The following MRPS35 variants were observed in gnomAD, a reference collection of about 807,000 sequenced individuals.
MRPS35 encodes the protein small ribosomal subunit protein mS35.
Under a neutral mutation model 32.7 loss-of-function variants are expected in MRPS35, and 29 were observed. The ratio of observed to expected loss-of-function variants is 0.89; its 90% confidence interval spans 0.66 to 1.21. The LOEUF is 1.21. Among genes scored for constraint, MRPS35 ranks in the 50% most tolerant of loss-of-function variants. The pLI is 0.00. For synonymous variants in MRPS35, 148 were observed against 139.3 expected, an observed-to-expected ratio of 1.06 and a Z score of -0.44; for missense variants, 373 against 383.8, an observed-to-expected ratio of 0.97 and a Z score of 0.23.
intron 7 of MRPS35, among the ~76,000 whole-genome samples, chr12:27,748,415 C>G (rs923728845): frequency 3.3e-5 from 5 of 149,534 alleles, no homozygotes; most frequent in African/African-American, 9.9e-5. Flanking sequence ...ATTCTCATTG[C>G]AGGCAGGAAG....
chr12:27,751,886 G>A (rs7966473), intron 7 of MRPS35, among the ~76,000 whole-genome samples: 2,496 of 152,300 alleles, frequency 0.016, 76 homozygotes, highest in African/African-American at 0.055. Flanking sequence ...AGTCATGCAG[G>A]CCTGGATATC....
At chr12:27,750,976 G>A (rs766527596) in intron 7 of MRPS35, among the ~76,000 whole-genome samples, 6 of 151,594 alleles carry the variant, frequency 4.0e-5, no homozygotes, top group East Asian at 3.9e-4. Flanking sequence ...GGTAGTTGGC[G>A]CCTGTAATCC....
chr12:27,710,947 C>T lies in MRPS35; in HGVS notation c.104C>T (p.Pro35Leu), dbSNP rs779398357. Residue 35 changes from proline (P) to leucine (L), a missense_variant, in exon 1 of 8, where the codon CCT becomes CTT. Pro to Leu is a moderately conservative substitution (Grantham distance 98). Coordinates refer to ENST00000081029, the MANE Select transcript of MRPS35 (RefSeq NM_021821.4). ...AVYSATPVPT[P>L]SLPERTPGNE... The stretch of plus-strand genomic sequence containing the variant: ...TACTCGGCCACTCCGGTCCCGACAC[C>T]TAGCCTGCGTGAGTGTCTGTCTCGT... 15 of 1,612,194 alleles carry T rather than the reference C, an allele frequency of 9.3e-6. No homozygotes were observed. The African/African-American group carries it at 9.3e-5, about 10-fold the overall frequency.
chr12:27,721,261 A>G (rs1362846473), intron 4 of MRPS35, among the ~76,000 whole-genome samples: 1 of 152,240 alleles, frequency 6.6e-6, no homozygotes, highest in Non-Finnish European at 1.5e-5. Flanking sequence ...GCCTCTTAAT[A>G]GGTCTTCTAC....
intron 5 of MRPS35, among the ~76,000 whole-genome samples, chr12:27,729,181 CT>C (rs2140765976): frequency 6.6e-6 from 1 of 152,132 alleles, no homozygotes; most frequent in South Asian, 2.1e-4. Context: ...TGTTACAATC[CT>C]TTAGCATTTG....
intron 7 of MRPS35, among the ~76,000 whole-genome samples, chr12:27,754,818 T>C (rs1232984872): frequency 2.7e-5 from 4 of 147,182 alleles, no homozygotes; most frequent in Non-Finnish European, 6.0e-5. Flanking sequence ...GTTTAGAGAA[T>C]AGCTGCAAAA....
chr12:27,751,200 C>T (rs1287949244), intron 7 of MRPS35, among the ~76,000 whole-genome samples: 1 of 151,032 alleles, frequency 6.6e-6, no homozygotes, highest in Admixed American at 6.6e-5. Context: ...CTGAACACTG[C>T]ATTGTTTTCA....
intron 7 of MRPS35, among the ~76,000 whole-genome samples, chr12:27,749,910 G>A (rs185986751): frequency 9.1e-4 from 139 of 152,278 alleles, no homozygotes; most frequent in Non-Finnish European, 1.0e-3. Flanking sequence ...TGAAAGTTAG[G>A]ATTTAAACTT....
intron 7 of MRPS35, among the ~76,000 whole-genome samples, chr12:27,752,427 C>T (rs1403640818): frequency 6.6e-6 from 1 of 152,214 alleles, no homozygotes; most frequent in Non-Finnish European, 1.5e-5. Context: ...GCGTAAGCAT[C>T]TATTTTGAAG....
chr12:27,749,175 T>C (rs2061992088), intron 7 of MRPS35, among the ~76,000 whole-genome samples: 1 of 152,204 alleles, frequency 6.6e-6, no homozygotes, highest in Non-Finnish European at 1.5e-5. Flanking sequence ...ATTTCCATCT[T>C]TTCTATGAAG....
chr12:27,729,253 C>T (rs1040653990), intron 5 of MRPS35, among the ~76,000 whole-genome samples: 5 of 152,032 alleles, frequency 3.3e-5, no homozygotes, highest in African/African-American at 9.7e-5. Flanking sequence ...TTTCTTATCC[C>T]GGACCTGGAA....
At chr12:27,712,801 G>C (rs920410945) in intron 1 of MRPS35, among the ~76,000 whole-genome samples, 1 of 152,226 alleles carries the variant, frequency 6.6e-6, no homozygotes, top group African/African-American at 2.4e-5. Flanking sequence ...CGGATCCCTT[G>C]AGCCCAGGAG....
intron 7 of MRPS35, among the ~76,000 whole-genome samples, chr12:27,750,869 G>A (rs369429148): frequency 1.3e-5 from 2 of 152,106 alleles, no homozygotes; most frequent in East Asian, 3.9e-4. Flanking sequence ...TTGGGAGGCC[G>A]AGACTGGCAG....
chr12:27,747,709 C>T (rs144631813), intron 7 of MRPS35, among the ~76,000 whole-genome samples: 5 of 152,214 alleles, frequency 3.3e-5, no homozygotes, highest in African/African-American at 1.2e-4. Context: ...AGGTGACAGG[C>T]TTGTGTGTTC....
intron 7 of MRPS35, among the ~76,000 whole-genome samples, chr12:27,739,236 G>T (rs1316089116): frequency 3.3e-5 from 5 of 152,210 alleles, no homozygotes; most frequent in Admixed American, 6.5e-5. Context: ...ATCATAAGAT[G>T]CAATGAGCTA....
intron 4 of MRPS35, among the ~76,000 whole-genome samples, chr12:27,720,119 T>C (rs1263787436): frequency 6.6e-6 from 1 of 151,992 alleles, no homozygotes; most frequent in East Asian, 1.9e-4. Flanking sequence ...AGGCTGAGTG[T>C]GGTGGCTCAT....
At chr12:27,751,625 G>A (rs979942871) in intron 7 of MRPS35, among the ~76,000 whole-genome samples, 1 of 152,086 alleles carries the variant, frequency 6.6e-6, no homozygotes, top group Admixed American at 6.5e-5. Context: ...CCTTTATCTG[G>A]GCATGTGCAA....
At chr12:27,714,267 TA>T (rs2061840512) in intron 1 of MRPS35, among the ~76,000 whole-genome samples, 1 of 152,120 alleles carries the variant, frequency 6.6e-6, no homozygotes, top group Non-Finnish European at 1.5e-5. Flanking sequence ...GAATTCACTG[TA>T]TCTGCAATTC....
chr12:27,719,076 G>A (rs2140755482), intron 3 of MRPS35, among the ~76,000 whole-genome samples: 1 of 152,170 alleles, frequency 6.6e-6, no homozygotes, highest in East Asian at 1.9e-4. Context: ...GACAGAGCGA[G>A]ACCCTGTCTC....
Sources: gnomAD v4.1 joint callset for allele counts (sites outside exome capture counted in the v4.1 genomes callset) on GRCh38, gnomAD v4.1.1 for gene constraint, MANE v1.5 for transcripts, NCBI Gene and HGNC (gene_info 2026-07-23, HGNC 2026-07-21) for gene names.